AKT3: variants seen among roughly 807,000 people sequenced by gnomAD.
AKT3 encodes RAC-gamma serine/threonine-protein kinase.
Under a neutral mutation model 65.3 loss-of-function variants are expected in AKT3, and 15 were observed. The ratio of observed to expected loss-of-function variants is 0.23; its 90% CI spans 0.15 to 0.35. The LOEUF (loss-of-function observed/expected upper bound fraction) is 0.35, where lower values mean the gene tolerates loss of function less well. AKT3 is among the 10% of genes least tolerant of loss of function. The probability of loss-of-function intolerance (pLI) is 1.00; values close to 1 mark genes in which losing one functional copy is unlikely to be tolerated. For synonymous variants in AKT3, 206 were observed against 183.8 expected (o/e 1.12, Z -0.98); for missense variants, 243 against 576.5 (o/e 0.42, Z 5.92).
intron 8 of AKT3, among the ~76,000 whole-genome samples, chr1:243,599,098 T>C (rs1572006202): frequency 6.6e-6 from 1 of 152,192 alleles, no homozygotes; most frequent in Non-Finnish European, 1.5e-5. Context: ...TTATTTATAA[T>C]TTGTTATTAA....
intron 3 of AKT3, among the ~76,000 whole-genome samples, chr1:243,681,036 T>C (rs1044363405): frequency 6.6e-6 from 1 of 152,048 alleles, no homozygotes; most frequent in Non-Finnish European, 1.5e-5. Context: ...CAGAGATCCA[T>C]TAGTTAAGTA....
intron 2 of AKT3, chr1:243,808,376 G>A (rs1572385698): frequency 1.3e-5 from 2 of 152,214 alleles, no homozygotes; most frequent in African/African-American, 4.8e-5. Context: ...AGAACTACGT[G>A]ACGAATGCAC....
At chr1:243,577,869 GC>G (rs1675056362) in intron 8 of AKT3, among the ~76,000 whole-genome samples, 1 of 152,076 alleles carries the variant, frequency 6.6e-6, no homozygotes, top group African/African-American at 2.4e-5. Context: ...TCAAAAGTGG[GC>G]AAAGGACATG....
intron 2 of AKT3, among the ~76,000 whole-genome samples, chr1:243,783,393 C>T (rs537383501): frequency 6.6e-6 from 1 of 152,230 alleles, no homozygotes; most frequent in East Asian, 1.9e-4. Context: ...ATCCATGTGC[C>T]AGCAGGGTGG....
At chr1:243,570,277 G>T (rs1435287374) in intron 9 of AKT3, among the ~76,000 whole-genome samples, 1 of 152,184 alleles carries the variant, frequency 6.6e-6, no homozygotes, top group Non-Finnish European at 1.5e-5. Flanking sequence ...CAAAGTCAAG[G>T]TTATTAGTAA....
intron 4 of AKT3, among the ~76,000 whole-genome samples, chr1:243,663,157 G>A (rs535465699): frequency 4.6e-5 from 7 of 152,318 alleles, no homozygotes; most frequent in African/African-American, 1.7e-4. Flanking sequence ...TTGCTGTCAA[G>A]AATCTTCAAG....
chr1:243,556,504 C>T (rs1293915351), intron 10 of AKT3, among the ~76,000 whole-genome samples: 1 of 152,100 alleles, frequency 6.6e-6, no homozygotes, highest in Non-Finnish European at 1.5e-5. Flanking sequence ...GCACCCAAGG[C>T]AAGCAATTAT....
chr1:243,785,491 G>T (rs956614984), intron 2 of AKT3, among the ~76,000 whole-genome samples: 10 of 152,000 alleles, frequency 6.6e-5, no homozygotes, highest in Non-Finnish European at 1.5e-4. Flanking sequence ...TAGAACTAAA[G>T]TTTCAGCTTC....
At chr1:243,731,797 C>A (rs1231570244) in intron 2 of AKT3, among the ~76,000 whole-genome samples, 1 of 152,158 alleles carries the variant, frequency 6.6e-6, no homozygotes, top group Non-Finnish European at 1.5e-5. Flanking sequence ...ATGTACTTCA[C>A]TAACCCTCAG....
chr1:243,825,608 A>T (rs1165441672), intron 2 of AKT3, among the ~76,000 whole-genome samples: 1 of 152,208 alleles, frequency 6.6e-6, no homozygotes, highest in East Asian at 1.9e-4. Context: ...AGGTGGAGTC[A>T]TAAGCTGTAA....
intron 2 of AKT3, among the ~76,000 whole-genome samples, chr1:243,733,872 A>G (rs921134932): frequency 6.6e-6 from 1 of 152,250 alleles, no homozygotes; most frequent in Non-Finnish European, 1.5e-5. Flanking sequence ...AGTTGCCACA[A>G]ACCTTCAATT....
At chr1:243,786,205 G>A (rs939733430) in intron 2 of AKT3, among the ~76,000 whole-genome samples, 1 of 152,158 alleles carries the variant, frequency 6.6e-6, no homozygotes, top group African/African-American at 2.4e-5. Flanking sequence ...TCAAAAAGAG[G>A]TATTCAAGCA....
chr1:243,848,642 T>C (rs1490849429), intron 1 of AKT3, among the ~76,000 whole-genome samples: 2 of 152,200 alleles, frequency 1.3e-5, no homozygotes, highest in Admixed American at 1.3e-4. Flanking sequence ...CTAAAAGACA[T>C]ATATGACCAT....
In AKT3 at chr1:243,577,918, A is replaced by T. The variant is rs560784738; in HGVS notation, c.697-4870T>A. Among the ~76,000 whole-genome samples, 8 of 152,366 alleles carry T rather than the reference A, an allele frequency of 5.3e-5. No homozygotes were observed. In the South Asian group the frequency reaches 1.7e-3, roughly 32 times the overall value. On this transcript the variant is annotated intron_variant, in intron 8 of 13. Transcript: ENST00000673466. ...TCAAAAGAAGACATTTATGTGACCA[A>T]CAAACACATGAAAAAAAGCTCAACA...
intron 9 of AKT3, among the ~76,000 whole-genome samples, chr1:243,565,660 CAA>C: frequency 6.6e-6 from 1 of 152,168 alleles, no homozygotes; most frequent in Non-Finnish European, 1.5e-5. Context: ...TCAGAAACAT[CAA>C]GAGTCTTCAA....
chr1:243,842,080 G>C lies in AKT3; in HGVS notation c.46+1045C>G, dbSNP rs574680046. Among the ~76,000 whole-genome samples the C allele has an allele frequency of 3.3e-5, 5 of 152,242 alleles. No individual in the cohort carries two copies. In the South Asian group the frequency reaches 8.3e-4, roughly 25 times the overall value. ...AAATAACCACTATATCGTTTTCAGA[G>C]TGTTTGTTACACTACTGTGTATCTC... On this transcript the variant is annotated intron_variant, in intron 2 of 13. Transcript: ENST00000673466.
At chr1:243,822,496 G>T (rs770571364) in intron 2 of AKT3, among the ~76,000 whole-genome samples, 68 of 149,918 alleles carry the variant, frequency 4.5e-4, no homozygotes, top group Non-Finnish European at 7.8e-4. Context: ...CCAGGAGCTG[G>T]TTTTTTTAAA....
At chr1:243,654,409 A>T (rs1681608626) in intron 4 of AKT3, among the ~76,000 whole-genome samples, 1 of 152,098 alleles carries the variant, frequency 6.6e-6, no homozygotes, top group African/African-American at 2.4e-5. Context: ...TATCCTCCTG[A>T]GATTATTCTT....
At chr1:243,745,618 G>T (rs1444426352) in intron 2 of AKT3, among the ~76,000 whole-genome samples, 1 of 152,116 alleles carries the variant, frequency 6.6e-6, no homozygotes, top group Non-Finnish European at 1.5e-5. Context: ...TGACCCTCAG[G>T]CCACATGCAG....
Sources: gnomAD v4.1 joint callset for allele counts (sites outside exome capture counted in the v4.1 genomes callset) on GRCh38, gnomAD v4.1.1 for gene constraint, MANE v1.5 for transcripts, NCBI Gene and HGNC (gene_info 2026-07-23, HGNC 2026-07-21) for gene names.